Variants in KPNA4 observed in about 807,000 individuals in gnomAD.
The protein encoded by KPNA4 is karyopherin subunit alpha 4.
In KPNA4, 13 loss-of-function variants were observed where a neutral mutation model predicts 71.3. That is an observed-to-expected ratio of 0.18 (90% CI 0.12 to 0.29). The LOEUF (loss-of-function observed/expected upper bound fraction) is 0.29, where lower values mean the gene tolerates loss of function less well. Among genes scored for constraint, KPNA4 ranks in the 10% least tolerant of loss-of-function variants. The pLI, the probability that KPNA4 is intolerant of heterozygous loss-of-function variation, is 1.00. For synonymous variants in KPNA4, 189 were observed against 195.2 expected (o/e 0.97, Z 0.26); for missense variants, 334 against 603.2 (o/e 0.55, Z 4.67).
intron 1 of KPNA4, among the ~76,000 whole-genome samples, chr3:160,544,014 C>CG (rs1721857276): frequency 6.6e-6 from 1 of 152,138 alleles, no homozygotes; most frequent in Non-Finnish European, 1.5e-5. Context: ...CCCGCCACCA[C>CG]GCCCAGTGTG....
chr3:160,511,409 T>C (rs1372969706), intron 13 of KPNA4, among the ~76,000 whole-genome samples: 1 of 152,190 alleles, frequency 6.6e-6, no homozygotes, highest in East Asian at 1.9e-4. Context: ...CCGGCCACTA[T>C]TCTTTAAAGT....
rs564766074 is a variant in KPNA4 at position 160,537,889 on chromosome 3, G to A, written c.70-1049C>T. 1.3e-3 allele frequency among the ~76,000 whole-genome samples: 197 copies of A among 151,790 alleles called. 1 individual carries two copies. The highest frequency in any genetic ancestry group is 4.6e-3 in the African/African-American group (189 of 41,340). ...TCCTCTGCTACTATTCTGGGCCAAC[G>A]TACCATTATCTCTCAACTAGATAAC... is the stretch of plus-strand genomic sequence containing the variant. On this transcript the variant is annotated intron_variant, in intron 1 of 16. Coordinates refer to ENST00000334256, the MANE Select transcript of KPNA4 (RefSeq NM_002268.5).
At position 160,518,625 on chromosome 3, in the gene KPNA4, C is replaced by T. The variant is rs938796739; in HGVS notation, c.904-3045G>A. 4.0e-5 allele frequency among the ~76,000 whole-genome samples: 6 copies of T among 150,964 alleles called. 1 individual carries two copies. Among genetic ancestry groups the T allele is most frequent in the South Asian group, 4.2e-4 (2 of 4,742 alleles). On this transcript the variant is annotated intron_variant, in intron 11 of 16. Transcript: ENST00000334256. ...CTGCAATCCCAGCACTTTGGGAGGC[C>T]GAGGCGGGTGGATCACCTGAGGTCA...
intron 1 of KPNA4, among the ~76,000 whole-genome samples, chr3:160,548,569 C>T (rs1444657244): frequency 6.6e-6 from 1 of 152,144 alleles, no homozygotes; most frequent in African/African-American, 2.4e-5. Context: ...TTGTGTGTGA[C>T]TGGCATATTT....
At chr3:160,544,047 G>A (rs957029736) in intron 1 of KPNA4, among the ~76,000 whole-genome samples, 2 of 151,932 alleles carry the variant, frequency 1.3e-5, no homozygotes, top group African/African-American at 2.4e-5. Flanking sequence ...TAGTAGAAAC[G>A]GGGTTTTATC....
chr3:160,561,730 C>T (rs1170320775), intron 1 of KPNA4, among the ~76,000 whole-genome samples: 1 of 151,980 alleles, frequency 6.6e-6, no homozygotes, highest in African/African-American at 2.4e-5. Flanking sequence ...TGTATTAAAA[C>T]CTTTCCCTAT....
chr3:160,540,350 G>A (rs568174790), intron 1 of KPNA4, among the ~76,000 whole-genome samples: 1 of 152,240 alleles, frequency 6.6e-6, no homozygotes, highest in South Asian at 2.1e-4. Context: ...AAGTCTGGAG[G>A]TTTTTTGATA....
At chr3:160,548,220 T>G (rs1293769429) in intron 1 of KPNA4, among the ~76,000 whole-genome samples, 2 of 152,162 alleles carry the variant, frequency 1.3e-5, no homozygotes, top group Non-Finnish European at 2.9e-5. Context: ...TTTTTTGTTG[T>G]TGTTGGTGGT....
chr3:160,548,555 T>C lies in KPNA4; in HGVS notation c.70-11715A>G, dbSNP rs183508193. Among the ~76,000 whole-genome samples, 25 of 152,320 alleles carry C rather than the reference T, an allele frequency of 1.6e-4. No individual in the cohort carries two copies. In the East Asian group the frequency reaches 4.8e-3, roughly 29 times the overall value. On this transcript the variant is annotated intron_variant, in intron 1 of 16. Coordinates refer to ENST00000334256, the MANE Select transcript of KPNA4 (RefSeq NM_002268.5). ...TTGTATAAGTGGAATTATACAGTAT[T>C]TTTTTGTGTGTGACTGGCATATTTC...
chr3:160,538,888 T>C (rs757021309), intron 1 of KPNA4, among the ~76,000 whole-genome samples: 1 of 152,232 alleles, frequency 6.6e-6, no homozygotes, highest in Non-Finnish European at 1.5e-5. Context: ...TTAGCCATAC[T>C]ACTTACTAGC....
intron 11 of KPNA4, among the ~76,000 whole-genome samples, chr3:160,520,095 C>G (rs967163932): frequency 1.3e-5 from 2 of 152,050 alleles, no homozygotes; most frequent in Non-Finnish European, 2.9e-5. Flanking sequence ...ATTATGAAAA[C>G]TGAAGATTAT....
At chr3:160,554,964 G>A (rs1722108146) in intron 1 of KPNA4, among the ~76,000 whole-genome samples, 1 of 152,220 alleles carries the variant, frequency 6.6e-6, no homozygotes, top group Non-Finnish European at 1.5e-5. Context: ...CAAGGAGCAG[G>A]TAGTGCGAAC....
chr3:160,554,566 G>A (rs1920665), intron 1 of KPNA4, among the ~76,000 whole-genome samples: 167 of 152,062 alleles, frequency 1.1e-3, no homozygotes, highest in African/African-American at 3.8e-3. Context: ...CTGGTGACTC[G>A]GGGGGGCCCT....
chr3:160,546,792 C>T (rs899460632), intron 1 of KPNA4, among the ~76,000 whole-genome samples: 1 of 152,036 alleles, frequency 6.6e-6, no homozygotes, highest in Non-Finnish European at 1.5e-5. Flanking sequence ...GCTTAAAATA[C>T]CACTCAAGAC....
At chr3:160,558,697 C>T (rs1045101204) in intron 1 of KPNA4, among the ~76,000 whole-genome samples, 4 of 151,974 alleles carry the variant, frequency 2.6e-5, no homozygotes, top group Non-Finnish European at 5.9e-5. Context: ...GGTCCTGAGA[C>T]CTTTACAGAG....
chr3:160,549,323 T>C (rs1041889432), intron 1 of KPNA4, among the ~76,000 whole-genome samples: 2 of 152,224 alleles, frequency 1.3e-5, no homozygotes, highest in African/African-American at 2.4e-5. Flanking sequence ...TTTTATAGCT[T>C]TGCTTTTAAG....
intron 8 of KPNA4, among the ~76,000 whole-genome samples, 163 bp from the exon 9 acceptor site, chr3:160,526,270 A>T (rs1041799528): frequency 1.3e-5 from 2 of 152,254 alleles, no homozygotes; most frequent in Non-Finnish European, 2.9e-5. Flanking sequence ...CTCTGAGCCA[A>T]GAGAGGCAAC....
intron 1 of KPNA4, among the ~76,000 whole-genome samples, chr3:160,563,431 G>A (rs1472397603): frequency 6.6e-6 from 1 of 152,198 alleles, no homozygotes; most frequent in Non-Finnish European, 1.5e-5. Flanking sequence ...TTGGGGCCGT[G>A]AAAATGTTCT....
At chr3:160,530,771 G>A in intron 7 of KPNA4, 84 bp downstream of exon 7, 2 of 864,830 alleles carry the variant, frequency 2.3e-6, no homozygotes, top group Non-Finnish European at 3.7e-6. Flanking sequence ...AATTTAAATT[G>A]CCATAGTCTT....
Sources: allele counts gnomAD v4.1 joint callset (sites outside exome capture counted in the v4.1 genomes callset), GRCh38; gene constraint gnomAD v4.1.1; transcripts MANE v1.5; gene names NCBI Gene and HGNC (gene_info 2026-07-23, HGNC 2026-07-21).